Variants in FBXW8 observed in about 807,000 individuals in gnomAD.
FBXW8 encodes F-box/WD repeat-containing protein 8.
In FBXW8, 57 loss-of-function variants were observed where a neutral mutation model predicts 65.3. The ratio of observed to expected loss-of-function variants is 0.87; its 90% CI spans 0.71 to 1.09. The LOEUF (loss-of-function observed/expected upper bound fraction) is 1.09, where lower values mean the gene tolerates loss of function less well. Among genes scored for constraint, FBXW8 ranks in the 50% least tolerant of loss-of-function variants. FBXW8 has a pLI of 0.00. For synonymous variants in FBXW8, 308 were observed against 330.2 expected (o/e 0.93, Z 0.73); for missense variants, 777 against 814.8 (o/e 0.95, Z 0.57).
chr12:116,954,789 C>G (rs944187218), intron 4 of FBXW8, among the ~76,000 whole-genome samples: 17 of 152,100 alleles, frequency 1.1e-4, no homozygotes, highest in Non-Finnish European at 2.5e-4. Flanking sequence ...AACCTTTTGA[C>G]TTGAAGTCTC....
chr12:116,928,717 C>T (rs995221346), intron 2 of FBXW8, among the ~76,000 whole-genome samples: 2 of 152,084 alleles, frequency 1.3e-5, no homozygotes, highest in African/African-American at 2.4e-5. Context: ...TGGGAGATAT[C>T]ATTTAGGCCA....
rs779032049 is a variant in FBXW8, at chr12:117,010,291, T to A, written c.1240-32T>A. On this transcript the variant is annotated intron_variant, in intron 7 of 10. Transcript: ENST00000652555. ...TTGATGTCGGCCTGGTGTGTGGAAT[T>A]GTGGGCCCACACATTTCTCTTCCTC... 4.0e-5 allele frequency: 65 copies of A among 1,613,916 alleles called. No homozygotes were observed. In the African/African-American group the frequency reaches 7.1e-4, roughly 18 times the overall value.
chr12:117,016,862 A>G (rs1309957648), intron 8 of FBXW8, among the ~76,000 whole-genome samples: 2 of 152,136 alleles, frequency 1.3e-5, no homozygotes, highest in East Asian at 1.9e-4. Context: ...ATATCCAGCT[A>G]TCCTGGCACC....
intron 2 of FBXW8, among the ~76,000 whole-genome samples, chr12:116,931,409 T>G (rs1308116979): frequency 6.6e-6 from 1 of 152,218 alleles, no homozygotes; most frequent in Non-Finnish European, 1.5e-5. Flanking sequence ...TTTTTTCCTG[T>G]ATCTGTGAAA....
intron 8 of FBXW8, among the ~76,000 whole-genome samples, chr12:117,017,101 A>G (rs190574184): frequency 6.6e-6 from 1 of 152,356 alleles, no homozygotes; most frequent in Admixed American, 6.5e-5. Context: ...CATGTTGAAT[A>G]GTGTCACTGT....
rs536237445 is a variant in FBXW8 at position 117,024,063 on chromosome 12, C to A, written c.1368-84C>A. On this transcript the variant is annotated intron_variant, in intron 8 of 10. Coordinates refer to ENST00000652555, the MANE Select transcript of FBXW8 (RefSeq NM_153348.3). ...TTTTCATAGCAGTGTTGTGCATAGA[C>A]CAGCACCGTGGAGGGGGAGTTTGTC... is the stretch of plus-strand genomic sequence containing the variant. 4.1e-6 allele frequency: 6 copies of A among 1,447,562 alleles called. No individual in the cohort carries two copies. The African/African-American group carries it at 7.0e-5, about 17-fold the overall frequency. The allele number at this position is 1,447,562 out of a possible 1,614,324, so 89.7% of individuals were successfully genotyped here.
chr12:117,029,191 T>G lies in FBXW8; in HGVS notation c.*1019T>G, dbSNP rs1001645785. The G allele has an allele frequency of 3.3e-5, 5 of 152,120 alleles. No homozygotes were observed. The highest frequency in any genetic ancestry group is 2.6e-4 in the Admixed American group (4 of 15,274). 9.4% of individuals were successfully genotyped at this position (152,120 alleles called of 1,614,324 possible). On this transcript the variant is annotated 3_prime_UTR_variant, in exon 11 of 11. Coordinates refer to ENST00000652555, the MANE Select transcript of FBXW8 (RefSeq NM_153348.3). Reference sequence around the variant, plus strand: ...CTGTACGAAGGCCACAAAGAACAGCTCAGATGCACAAAGATTCACACCATA... The same window carrying G: ...CTGTACGAAGGCCACAAAGAACAGCGCAGATGCACAAAGATTCACACCATA...
Position 117,029,608 on chromosome 12 carries a change from G to A in FBXW8, c.*1436G>A, listed in dbSNP as rs1313457802. ...ATAGTTAGTTAATATAAAGCCAGAA[G>A]GTTTTGTTTTTTTTCAGGTGGGGTC... On this transcript the variant is annotated 3_prime_UTR_variant, in exon 11 of 11. Transcript: ENST00000652555. 1 of 152,076 alleles carries A rather than the reference G, an allele frequency of 6.6e-6. No individual in the cohort carries two copies. The highest frequency in any genetic ancestry group is 1.5e-5 in the Non-Finnish European group (1 of 68,010). 9.4% of individuals were successfully genotyped at this position (152,076 alleles called of 1,614,324 possible).
intron 7 of FBXW8, among the ~76,000 whole-genome samples, chr12:117,006,646 C>G (rs1056934464): frequency 2.0e-5 from 3 of 152,216 alleles, no homozygotes; most frequent in African/African-American, 7.2e-5. Flanking sequence ...TGGGTCTCCT[C>G]AGAGAGGCAG....
At chr12:116,977,476 A>G (rs992079055) in intron 5 of FBXW8, 1 of 152,194 alleles carries the variant, frequency 6.6e-6, no homozygotes, top group Non-Finnish European at 1.5e-5. Context: ...AAAATTCAAA[A>G]TACACAAAAA....
rs1423360132 is a variant in FBXW8 at position 116,961,416 on chromosome 12, G to A, written c.678-3281G>A. On this transcript the variant is annotated intron_variant, in intron 4 of 10. Coordinates refer to ENST00000652555, the MANE Select transcript of FBXW8 (RefSeq NM_153348.3). This position sits in a 1 kb window ranked among gnomAD's most constrained non-coding sequence, Gnocchi z 4.4. ...CAGCAAGGTGGGGCAGAGAATCAGAGTTCAGAGGCAAGAGCATTTGGGATC... is the reference window on the plus strand; with the variant it reads ...CAGCAAGGTGGGGCAGAGAATCAGAATTCAGAGGCAAGAGCATTTGGGATC... Among the ~76,000 whole-genome samples, 6 of 152,204 alleles carry A rather than the reference G, an allele frequency of 3.9e-5. No individual in the cohort carries two copies. The highest frequency in any genetic ancestry group is 8.8e-5 in the Non-Finnish European group (6 of 68,050).
At chr12:116,921,527 CGT>C (rs752715500) in intron 1 of FBXW8, among the ~76,000 whole-genome samples, 24 of 152,140 alleles carry the variant, frequency 1.6e-4, no homozygotes, top group Non-Finnish European at 3.2e-4. Context: ...TTTCATTTTA[CGT>C]GACAATGACT....
In FBXW8 at chr12:116,928,012, T is replaced by A. The variant is rs888523370; in HGVS notation, c.319-11T>A. On this transcript the variant is annotated splice_polypyrimidine_tract_variant and intron_variant, in intron 1 of 10. Coordinates refer to ENST00000652555, the MANE Select transcript of FBXW8 (RefSeq NM_153348.3). ...AAATTATAAACTTCTTTCTTTTTTT[T>A]TTCCCCTCAGAATGAAATGAATGAT... 32 of 1,512,818 alleles carry A rather than the reference T, an allele frequency of 2.1e-5. No individual in the cohort carries two copies. Among genetic ancestry groups the A allele is most frequent in the Non-Finnish European group, 2.9e-5 (32 of 1,110,298 alleles). 93.7% of individuals were successfully genotyped at this position (1,512,818 alleles called of 1,614,324 possible).
At chr12:117,027,892 G>C in intron 10 of FBXW8, 136 bp from the exon 11 acceptor site, 1 of 1,178,602 alleles carries the variant, frequency 8.5e-7, no homozygotes, top group East Asian at 2.5e-5. Flanking sequence ...ATCTGACGCT[G>C]TGTGCCCAGA....
At chr12:116,923,109 G>A (rs2137299176) in intron 1 of FBXW8, among the ~76,000 whole-genome samples, 1 of 152,268 alleles carries the variant, frequency 6.6e-6, no homozygotes, top group Non-Finnish European at 1.5e-5. Flanking sequence ...GGGAGGCTGA[G>A]GCATGAGAAT....
chr12:117,011,281 G>T (rs1247774638), intron 8 of FBXW8, among the ~76,000 whole-genome samples: 1 of 152,066 alleles, frequency 6.6e-6, no homozygotes, highest in Non-Finnish European at 1.5e-5. Context: ...GTGTCAGATC[G>T]TGAGGCGGGT....
At position 117,025,596 on chromosome 12, in the gene FBXW8, A is replaced by G. The variant is rs149669551; in HGVS notation, c.1541+1276A>G. Among the ~76,000 whole-genome samples, 26 of 152,276 alleles carry G rather than the reference A, an allele frequency of 1.7e-4. No homozygotes were observed. In the East Asian group the frequency reaches 4.8e-3, roughly 28 times the overall value. ...CTTCCTTGGAGGGCAGTGTTGGCAA[A>G]CACTGTGGCCGGCACATTTTATCAG... On this transcript the variant is annotated intron_variant, in intron 9 of 10. Coordinates refer to ENST00000652555, the MANE Select transcript of FBXW8 (RefSeq NM_153348.3).
intron 7 of FBXW8, among the ~76,000 whole-genome samples, chr12:116,989,155 A>G (rs531395154): frequency 6.6e-6 from 1 of 152,352 alleles, no homozygotes; most frequent in Admixed American, 6.5e-5. Context: ...TACTAAAAAC[A>G]TATTGTTGTA....
At chr12:116,975,207 G>A (rs1004921341) in intron 5 of FBXW8, among the ~76,000 whole-genome samples, 1 of 152,196 alleles carries the variant, frequency 6.6e-6, no homozygotes, top group African/African-American at 2.4e-5. Context: ...AATCACCAGC[G>A]GATGTTAAAA....
Sources: allele counts gnomAD v4.1 joint callset (sites outside exome capture counted in the v4.1 genomes callset), GRCh38; gene constraint gnomAD v4.1.1; non-coding constraint Gnocchi (gnomAD v3.1); transcripts MANE v1.5; gene names NCBI Gene and HGNC (gene_info 2026-07-23, HGNC 2026-07-21).